The following SUCLG2 variants were observed in gnomAD, a reference collection of about 807,000 sequenced individuals.
The protein encoded by SUCLG2 is succinate--CoA ligase [GDP-forming] subunit beta, mitochondrial.
A neutral mutation model predicts 47.9 loss-of-function variants in SUCLG2; 42 were observed. That is an observed-to-expected ratio of 0.88 (90% confidence interval 0.69 to 1.14). The LOEUF (loss-of-function observed/expected upper bound fraction) is 1.14. Among genes scored for constraint, SUCLG2 ranks in the 50% most tolerant of loss-of-function variants. The pLI is 0.00. For synonymous variants in SUCLG2, 195 were observed against 197.3 expected (o/e 0.99, Z 0.10); for missense variants, 571 against 525.9 (o/e 1.09, Z -0.84).
chr3:67,591,174 T>C (rs897996905), intron 2 of SUCLG2, among the ~76,000 whole-genome samples: 6 of 152,196 alleles, frequency 3.9e-5, no homozygotes, highest in Non-Finnish European at 8.8e-5. Flanking sequence ...TCTAGAAGCC[T>C]TTCCTACCAT....
intron 4 of SUCLG2, among the ~76,000 whole-genome samples, chr3:67,521,615 TA>T (rs1009107485): frequency 4.6e-4 from 68 of 148,626 alleles, no homozygotes; most frequent in South Asian, 4.2e-4. Context: ...TTTTTTTTTT[TA>T]AAAAAAGACA....
In SUCLG2 at chr3:67,495,876, G is replaced by C. The variant is rs760956431; in HGVS notation, c.984C>G (p.Ala328=). Reference sequence around the variant, plus strand: ...CACCACCTCCAAGATCCAAGAAGTTGGCTGGCTTCCCACCATTAAGGAAAA... The same window carrying C: ...CACCACCTCCAAGATCCAAGAAGTTCGCTGGCTTCCCACCATTAAGGAAAA... ...DIIFLNGGKP[A]NFLDLGGGVK... The change falls in exon 9 of 11, where the codon GCC becomes GCG. Residue 328 remains alanine (A), a synonymous_variant. Transcript: ENST00000307227. The C allele has an allele frequency of 1.2e-6, 2 of 1,614,076 alleles. No homozygotes were observed. The highest frequency in any genetic ancestry group is 1.1e-5 in the South Asian group (1 of 91,074).
At chr3:67,552,089 A>C (rs773621421) in intron 2 of SUCLG2, among the ~76,000 whole-genome samples, 8 of 148,070 alleles carry the variant, frequency 5.4e-5, no homozygotes, top group Non-Finnish European at 9.0e-5. Flanking sequence ...ACTCCTGATG[A>C]TGGCTTCTGG....
chr3:67,485,625 T>C (rs1705030559), intron 9 of SUCLG2, among the ~76,000 whole-genome samples: 1 of 152,236 alleles, frequency 6.6e-6, no homozygotes, highest in African/African-American at 2.4e-5. Flanking sequence ...ATAGTGGTTG[T>C]ATTACAGGAA....
At chr3:67,400,612 C>T (rs1413759117) in intron 10 of SUCLG2, 119 bp downstream of exon 10, 31 of 1,410,148 alleles carry the variant, frequency 2.2e-5, no homozygotes, top group Non-Finnish European at 2.7e-5. Flanking sequence ...GTGTTTGTTT[C>T]ATCTTACACA....
chr3:67,409,182 T>C (rs976903973), intron 9 of SUCLG2: 4 of 828,674 alleles, frequency 4.8e-6, no homozygotes, highest in African/African-American at 1.7e-5. Flanking sequence ...TAGATGGGGC[T>C]GGGGAGGGGT....
intron 2 of SUCLG2, among the ~76,000 whole-genome samples, chr3:67,607,012 AG>A (rs1700431143): frequency 6.6e-6 from 1 of 152,252 alleles, no homozygotes; most frequent in African/African-American, 2.4e-5. Context: ...TACTCTTAAA[AG>A]AGCATAGAAA....
intron 1 of SUCLG2, among the ~76,000 whole-genome samples, chr3:67,616,143 G>C (rs943792308): frequency 1.3e-5 from 2 of 151,990 alleles, no homozygotes; most frequent in Admixed American, 1.3e-4. Flanking sequence ...GGAATCACAG[G>C]TGAGATTAGG....
intron 9 of SUCLG2, among the ~76,000 whole-genome samples, chr3:67,437,548 T>A (rs1000070562): frequency 6.6e-6 from 1 of 152,198 alleles, no homozygotes. Flanking sequence ...ATAAATAAAT[T>A]ATTACAGATG....
chr3:67,585,306 T>G (rs972108825), intron 2 of SUCLG2, among the ~76,000 whole-genome samples: 4 of 152,160 alleles, frequency 2.6e-5, no homozygotes, highest in African/African-American at 9.7e-5. Flanking sequence ...CGAATTAGGT[T>G]AAAGTTGCTT....
At chr3:67,578,483 G>A (rs1317915585) in intron 2 of SUCLG2, among the ~76,000 whole-genome samples, 1 of 152,052 alleles carries the variant, frequency 6.6e-6, no homozygotes, top group Non-Finnish European at 1.5e-5. Flanking sequence ...GCAAAAGCAT[G>A]TGAAAAATGT....
At chr3:67,408,236 T>C (rs1702860232) in intron 9 of SUCLG2, among the ~76,000 whole-genome samples, 2 of 152,180 alleles carry the variant, frequency 1.3e-5, no homozygotes, top group African/African-American at 4.8e-5. Flanking sequence ...ATCCTTGGAA[T>C]AAAGCAACTC....
intron 9 of SUCLG2, among the ~76,000 whole-genome samples, chr3:67,420,974 T>C (rs1386638805): frequency 1.3e-5 from 2 of 152,168 alleles, no homozygotes; most frequent in Non-Finnish European, 2.9e-5. Context: ...TATCTAAGAA[T>C]AGTTAACTTT....
intron 2 of SUCLG2, among the ~76,000 whole-genome samples, chr3:67,554,197 G>A (rs898018421): frequency 6.6e-6 from 1 of 152,084 alleles, no homozygotes. Context: ...TGGCATCCCG[G>A]GGTTCCCTCA....
At chr3:67,635,471 C>T (rs551687839) in intron 1 of SUCLG2, among the ~76,000 whole-genome samples, 26 of 152,348 alleles carry the variant, frequency 1.7e-4, no homozygotes, top group African/African-American at 5.8e-4. Flanking sequence ...CAGACTCAAA[C>T]TGCAAACTCT....
chr3:67,402,154 C>T (rs1343825243), intron 9 of SUCLG2, among the ~76,000 whole-genome samples: 1 of 152,204 alleles, frequency 6.6e-6, no homozygotes, highest in Non-Finnish European at 1.5e-5. Context: ...TTGAACATTT[C>T]CTCATCTGTA....
intron 2 of SUCLG2, among the ~76,000 whole-genome samples, chr3:67,545,919 A>C (rs17046574): frequency 0.049 from 7,441 of 152,262 alleles, 239 homozygotes; most frequent in African/African-American, 0.089. Flanking sequence ...ACCACTCCCA[A>C]ATAAGAATGT....
chr3:67,497,716 G>C (rs1575735943), intron 8 of SUCLG2, among the ~76,000 whole-genome samples: 1 of 152,268 alleles, frequency 6.6e-6, no homozygotes, highest in East Asian at 1.9e-4. Flanking sequence ...AAGTTTAACT[G>C]AGATGTTTTA....
At chr3:67,538,163 G>C (rs1231539087) in intron 2 of SUCLG2, among the ~76,000 whole-genome samples, 1 of 152,132 alleles carries the variant, frequency 6.6e-6, no homozygotes, top group Non-Finnish European at 1.5e-5. Context: ...GTCCTGAATG[G>C]TATTGCCTAG....
Sources: gnomAD v4.1 joint callset for allele counts (sites outside exome capture counted in the v4.1 genomes callset) on GRCh38, gnomAD v4.1.1 for gene constraint, MANE v1.5 for transcripts, NCBI Gene and HGNC (gene_info 2026-07-23, HGNC 2026-07-21) for gene names.